RAB40C: variants seen among roughly 807,000 people sequenced by gnomAD.
RAB40C encodes the protein RAB40C, member RAS oncogene family, also known as ras-related protein Rab-40C.
A neutral mutation model predicts 28.1 loss-of-function variants in RAB40C; 8 were observed. That is an observed-to-expected ratio of 0.28 (90% CI 0.17 to 0.51). RAB40C has a LOEUF of 0.51. Among genes scored for constraint, RAB40C ranks in the 20% least tolerant of loss-of-function variants. RAB40C has a pLI of 0.97. For missense variants in RAB40C, 288 were observed against 405.9 expected (o/e 0.71, Z 2.50); for synonymous variants, 201 against 171.7 (o/e 1.17, Z -1.34).
intron 3 of RAB40C, chr16:625,224 C>G (rs1002806880): frequency 2.1e-6 from 3 of 1,437,276 alleles, no homozygotes; most frequent in East Asian, 2.8e-5. Flanking sequence ...CGCCCACCCC[C>G]CTGCTGCAGT....
intron 1 of RAB40C, among the ~76,000 whole-genome samples, chr16:597,561 G>C (rs1340045318): frequency 6.6e-6 from 1 of 151,130 alleles, no homozygotes; most frequent in Non-Finnish European, 1.5e-5. Flanking sequence ...TTGGCTCGCT[G>C]CAACCTCTTG....
At chr16:595,146 G>A (rs2036085810) in intron 1 of RAB40C, among the ~76,000 whole-genome samples, 1 of 152,192 alleles carries the variant, frequency 6.6e-6, no homozygotes, top group East Asian at 1.9e-4. Flanking sequence ...TTTCCAGCAG[G>A]GTGGTGTTGT....
intron 2 of RAB40C, among the ~76,000 whole-genome samples, chr16:617,645 C>T (rs1247668907): frequency 6.6e-6 from 1 of 152,078 alleles, no homozygotes; most frequent in Non-Finnish European, 1.5e-5. Flanking sequence ...GAGTCCAAGA[C>T]AAGCCTGGCC....
chr16:596,008 A>G (rs1488525086), intron 1 of RAB40C, among the ~76,000 whole-genome samples: 1 of 152,264 alleles, frequency 6.6e-6, no homozygotes, highest in Non-Finnish European at 1.5e-5. Context: ...TCCAGAGGCC[A>G]GATGCCAGAA....
intron 1 of RAB40C, among the ~76,000 whole-genome samples, chr16:604,016 A>G (rs764439011): frequency 1.3e-5 from 2 of 151,064 alleles, no homozygotes; most frequent in Non-Finnish European, 2.9e-5. Flanking sequence ...GGTTTGGGGT[A>G]TTACGAATAA....
chr16:620,355 T>C (rs1339704574), intron 3 of RAB40C, among the ~76,000 whole-genome samples: 1 of 147,812 alleles, frequency 6.8e-6, no homozygotes, highest in African/African-American at 2.7e-5. Context: ...ATTGTGCCAT[T>C]GCACGCCAAC....
chr16:617,527 C>A (rs1448810660), intron 2 of RAB40C, among the ~76,000 whole-genome samples: 1 of 152,226 alleles, frequency 6.6e-6, no homozygotes, highest in Non-Finnish European at 1.5e-5. Context: ...CCTTCCCTCC[C>A]CTTCTGTCGG....
intron 1 of RAB40C, among the ~76,000 whole-genome samples, chr16:601,837 A>AAAAAAAAAAAAAAAAAAAAAAAAAG (rs2036257983): frequency 6.7e-6 from 1 of 148,740 alleles, no homozygotes; most frequent in Non-Finnish European, 1.5e-5. Flanking sequence ...AAAAAAAAAA[A>AAAAAAAAAAAAAAAAAAAAAAAAAG]AAAAAAAAGG....
At chr16:592,079 A>G (rs563321371) in intron 1 of RAB40C, among the ~76,000 whole-genome samples, 2 of 152,336 alleles carry the variant, frequency 1.3e-5, no homozygotes, top group Admixed American at 1.3e-4. Context: ...CCCCAGATGA[A>G]CTGGGAGCAG....
At chr16:613,041 G>T (rs1193926434) in intron 1 of RAB40C, among the ~76,000 whole-genome samples, 3 of 120,978 alleles carry the variant, frequency 2.5e-5, no homozygotes, top group Admixed American at 1.5e-4. Flanking sequence ...TCAAGAGCAG[G>T]GACAGCCGCC....
At chr16:605,765 C>T (rs186846668) in intron 1 of RAB40C, among the ~76,000 whole-genome samples, 2 of 152,242 alleles carry the variant, frequency 1.3e-5, no homozygotes, top group East Asian at 1.9e-4. Flanking sequence ...GTCTCAGACG[C>T]GTTTGGTCAA....
At position 626,028 on chromosome 16, in the gene RAB40C, C is replaced by G. The variant is rs2036822702; in HGVS notation, c.472C>G (p.Leu158Val). The change falls in exon 5 of 6, where the codon CTG (leucine) becomes GTG (valine). Residue 158 changes from leucine (L) to valine (V), a missense_variant. By Grantham distance (32) the Leu-to-Val change is conservative. This residue lies in a region of RAB40C where 153 missense variants were observed against 262.4 expected (regional missense o/e 0.58). Transcript: ENST00000248139. ...NCMTFFEVSP[L>V]CNFNVIESFT... ...CATGACCTTCTTTGAGGTCAGCCCC[C>G]TGTGCAACTTCAACGTCATCGAGTC... 1 of 1,613,350 alleles carries G rather than the reference C, an allele frequency of 6.2e-7. No homozygotes were observed. Among genetic ancestry groups the G allele is most frequent in the Non-Finnish European group, 8.5e-7 (1 of 1,180,008 alleles).
chr16:607,165 C>A (rs932167620), intron 1 of RAB40C, among the ~76,000 whole-genome samples: 2 of 152,202 alleles, frequency 1.3e-5, no homozygotes, highest in Non-Finnish European at 2.9e-5. Flanking sequence ...ACAGGTGCCA[C>A]GTCCACTCCC....
chr16:590,822 G>A (rs1391203606), intron 1 of RAB40C, among the ~76,000 whole-genome samples: 4 of 151,402 alleles, frequency 2.6e-5, no homozygotes, highest in African/African-American at 4.9e-5. Flanking sequence ...GATCATCTGG[G>A]GTCCGAGGGA....
chr16:603,973 T>C (rs2036306399), intron 1 of RAB40C, among the ~76,000 whole-genome samples: 1 of 152,238 alleles, frequency 6.6e-6, no homozygotes, highest in Non-Finnish European at 1.5e-5. Context: ...GTTTATGCAT[T>C]TACCTTGTTG....
chr16:615,153 A>T (rs906776381), intron 1 of RAB40C, among the ~76,000 whole-genome samples: 1 of 152,186 alleles, frequency 6.6e-6, no homozygotes, highest in Non-Finnish European at 1.5e-5. Context: ...GAGACGTGTG[A>T]TCTGCAGACA....
chr16:615,707 A>G (rs948155188), intron 1 of RAB40C, among the ~76,000 whole-genome samples: 2 of 152,210 alleles, frequency 1.3e-5, no homozygotes, highest in African/African-American at 2.4e-5. Context: ...CACACCTGTA[A>G]TCCCAGCACT....
At chr16:603,870 C>T (rs1162689109) in intron 1 of RAB40C, among the ~76,000 whole-genome samples, 1 of 152,144 alleles carries the variant, frequency 6.6e-6, no homozygotes, top group Non-Finnish European at 1.5e-5. Flanking sequence ...TTCTTTTGCT[C>T]AGCAGTTTTG....
chr16:609,630 C>T (rs2036439289), intron 1 of RAB40C, among the ~76,000 whole-genome samples: 1 of 152,108 alleles, frequency 6.6e-6, no homozygotes, highest in South Asian at 2.1e-4. Context: ...TCAGAGATAC[C>T]GCATCCACGA....
Sources: gnomAD v4.1 joint callset for allele counts (sites outside exome capture counted in the v4.1 genomes callset) on GRCh38, gnomAD v4.1.1 for gene constraint, gnomAD v4.1.1 regional missense constraint, MANE v1.5 for transcripts, NCBI Gene and HGNC (gene_info 2026-07-23, HGNC 2026-07-21) for gene names.